Variants in CEACAM1 observed in about 807,000 individuals in gnomAD.
CEACAM1 encodes the protein cell adhesion molecule CEACAM1.
Under a neutral mutation model 49.1 loss-of-function variants are expected in CEACAM1, and 31 were observed. The observed-to-expected ratio is 0.63, with a 90% CI of 0.47 to 0.85. The LOEUF is 0.85. Among genes scored for constraint, CEACAM1 ranks in the 40% least tolerant of loss-of-function variants. The pLI, the probability that CEACAM1 is intolerant of heterozygous loss-of-function variation, is 0.00. For missense variants in CEACAM1, 570 were observed against 645.3 expected (o/e 0.88, Z 1.26); for synonymous variants, 244 against 247.8 (o/e 0.98, Z 0.14).
chr19:42,508,748 T>G lies in CEACAM1; in HGVS notation c.*361A>C. On this transcript the variant is annotated 3_prime_UTR_variant, in exon 9 of 9. Coordinates refer to ENST00000161559, the MANE Select transcript of CEACAM1 (RefSeq NM_001712.5). ...AGGCTATGGCAAATCCGAATTAGAG[T>G]GATAGGACAGGACTGGGGGTGGGAA... 1 of 208,616 alleles carries G rather than the reference T, an allele frequency of 4.8e-6. No individual in the cohort carries two copies. 12.9% of individuals were successfully genotyped at this position (208,616 alleles called of 1,614,324 possible).
At chr19:42,526,335 C>G (rs774038918) in intron 2 of CEACAM1, among the ~76,000 whole-genome samples, 18 of 152,168 alleles carry the variant, frequency 1.2e-4, no homozygotes, top group Non-Finnish European at 2.5e-4. Flanking sequence ...CAGGAGCATC[C>G]TGTCTCCTCT....
Position 42,509,157 on chromosome 19 carries a change from T to C in CEACAM1, c.1533A>G (p.Pro511=). The change falls in exon 9 of 9, where the codon CCA becomes CCG. Residue 511 remains proline, a synonymous_variant. Transcript: ENST00000161559. ...AAATTATTTCTGTGGCTGTTAGGGA[T>C]GGGGAGGCTGAAGTTGGTTGTGTGG... ...QQPTQPTSAS[P]SLTATEIIYS... 2 of 1,614,152 alleles carry C rather than the reference T, an allele frequency of 1.2e-6. No individual in the cohort carries two copies. Among genetic ancestry groups the C allele is most frequent in the Non-Finnish European group, 8.5e-7 (1 of 1,180,014 alleles).
intron 5 of CEACAM1, among the ~76,000 whole-genome samples, chr19:42,514,342 G>T (rs1429920860): frequency 6.6e-6 from 1 of 151,868 alleles, no homozygotes; most frequent in Non-Finnish European, 1.5e-5. Context: ...TCCTGGTCAG[G>T]CTGGTCTTGA....
chr19:42,526,246 G>T (rs1168343952), intron 2 of CEACAM1, among the ~76,000 whole-genome samples: 1 of 152,088 alleles, frequency 6.6e-6, no homozygotes, highest in Non-Finnish European at 1.5e-5. Context: ...GTGAGCCACC[G>T]CTCCCGGCCG....
Position 42,521,920 on chromosome 19 carries a change from T to G in CEACAM1, c.703+4A>C. 6.2e-7 allele frequency: 1 copy of G among 1,614,210 alleles called. No homozygotes were observed. Among genetic ancestry groups the G allele is most frequent in the Non-Finnish European group, 8.5e-7 (1 of 1,180,036 alleles). Reference sequence around the variant, plus strand: ...TGGGCCACAGAGGAACAGAAGATACTCACAGGTGACATTCAAGGTGACTGG... The same window carrying G: ...TGGGCCACAGAGGAACAGAAGATACGCACAGGTGACATTCAAGGTGACTGG... On this transcript the variant is annotated splice_donor_region_variant and intron_variant, in intron 3 of 8. Transcript: ENST00000161559.
At chr19:42,523,804 C>A (rs935877179) in intron 2 of CEACAM1, among the ~76,000 whole-genome samples, 3 of 152,138 alleles carry the variant, frequency 2.0e-5, no homozygotes, top group Non-Finnish European at 4.4e-5. Flanking sequence ...ACTCTTAAAC[C>A]AAGCTCTGAA....
chr19:42,515,447 G>A (rs1289727998), intron 5 of CEACAM1, among the ~76,000 whole-genome samples: 2 of 152,182 alleles, frequency 1.3e-5, no homozygotes, highest in African/African-American at 4.8e-5. Context: ...GCTGAGGCAG[G>A]TGTATCACTT....
At position 42,510,904 on chromosome 19, in the gene CEACAM1, A is replaced by G. The variant is rs775565476; in HGVS notation, c.1446T>C (p.Asn482=). The change falls in exon 8 of 9, where the codon AAT becomes AAC. Residue 482 remains asparagine, a synonymous_variant. Coordinates refer to ENST00000161559, the MANE Select transcript of CEACAM1 (RefSeq NM_001712.5). ...CTATGCTTACCTTGTTAGGTGGGTC[A>G]TTGGAGTGGTCCTGAGCTGGAGAAG... ...SVSNHTQDHS[N]DPPNKMNEVT... is the part of the protein sequence containing the mutation. 8.7e-6 allele frequency: 14 copies of G among 1,614,106 alleles called. No homozygotes were observed. In the East Asian group the frequency reaches 3.1e-4, roughly 36 times the overall value.
intron 5 of CEACAM1, among the ~76,000 whole-genome samples, chr19:42,515,971 C>T (rs2041590862): frequency 6.6e-6 from 1 of 152,042 alleles, no homozygotes; most frequent in South Asian, 2.1e-4. Flanking sequence ...AAGCATTTGA[C>T]AAAATTCAAC....
In CEACAM1 at chr19:42,519,213, C is replaced by G. The variant is rs1177198446; in HGVS notation, c.981G>C (p.Lys327Asn). The G allele has an allele frequency of 6.2e-7, 1 of 1,614,066 alleles. No individual in the cohort carries two copies. Among genetic ancestry groups the G allele is most frequent in the South Asian group, 1.1e-5 (1 of 91,078 alleles). Residue 327 changes from lysine to asparagine, a missense_variant, in exon 5 of 9, where the codon AAG becomes AAC. Coordinates refer to ENST00000161559, the MANE Select transcript of CEACAM1 (RefSeq NM_001712.5). ...TGGTCTTGCTGGCTTTGATTTGGGG[C>G]TTTGCTACTACTGGACTTAGCTCTG... ...IVTELSPVVAKPQIKASKTTV... is the reference protein window; with the variant it reads ...IVTELSPVVANPQIKASKTTV...
chr19:42,526,068 G>A (rs998080058), intron 2 of CEACAM1, among the ~76,000 whole-genome samples: 4 of 152,034 alleles, frequency 2.6e-5, no homozygotes, highest in African/African-American at 9.7e-5. Context: ...CAATTCTCCT[G>A]CCTCAGCCTC....
At chr19:42,527,520 TG>T in intron 1 of CEACAM1, 120 bp from the exon 2 acceptor site, 1 of 1,188,680 alleles carries the variant, frequency 8.4e-7, no homozygotes, top group Non-Finnish European at 1.2e-6. Flanking sequence ...TGTGTGTGTG[TG>T]TGTGTGTGTG....
chr19:42,516,443 A>G (rs1268631196), intron 5 of CEACAM1, among the ~76,000 whole-genome samples: 1 of 152,158 alleles, frequency 6.6e-6, no homozygotes, highest in African/African-American at 2.4e-5. Context: ...AAACTTAACC[A>G]AAGAGGTGAA....
intron 5 of CEACAM1, among the ~76,000 whole-genome samples, chr19:42,513,893 C>CATATATATATATATATATATATAT (rs144403954): frequency 9.5e-5 from 10 of 104,954 alleles, no homozygotes; most frequent in African/African-American, 4.9e-4. Flanking sequence ...CTTCTCCCTC[C>CATATATATATATATATATATATAT]ATATATATAT....
intron 5 of CEACAM1, among the ~76,000 whole-genome samples, chr19:42,517,701 A>G (rs2041633342): frequency 6.6e-6 from 1 of 152,252 alleles, no homozygotes; most frequent in Non-Finnish European, 1.5e-5. Flanking sequence ...TTGAAGATGT[A>G]GAGAAATTGG....
At chr19:42,514,479 A>AT (rs2041549918) in intron 5 of CEACAM1, among the ~76,000 whole-genome samples, 1 of 152,150 alleles carries the variant, frequency 6.6e-6, no homozygotes, top group African/African-American at 2.4e-5. Context: ...GGGTTCCACT[A>AT]TATTGCCTAG....
Position 42,507,542 on chromosome 19 carries a change from T to C in CEACAM1, c.*1567A>G, listed in dbSNP as rs2041364604. On this transcript the variant is annotated 3_prime_UTR_variant, in exon 9 of 9. Coordinates refer to ENST00000161559, the MANE Select transcript of CEACAM1 (RefSeq NM_001712.5). ...CTAACATGAGATCAGGTAAGCAATATAGAATAAAACCTTTCTCTTAGCCCC... is the reference window on the plus strand; with the variant it reads ...CTAACATGAGATCAGGTAAGCAATACAGAATAAAACCTTTCTCTTAGCCCC... 6.6e-6 allele frequency: 1 copy of C among 152,146 alleles called. No homozygotes were observed. Among genetic ancestry groups the C allele is most frequent in the South Asian group, 2.1e-4 (1 of 4,814 alleles). The allele number at this position is 152,146 out of a possible 1,614,324, so 9.4% of individuals were successfully genotyped here. A position where few individuals can be genotyped will look rare whatever the true frequency, so the allele number is the denominator to read the frequency against.
chr19:42,525,172 G>A (rs1255773754), intron 2 of CEACAM1, among the ~76,000 whole-genome samples: 2 of 151,728 alleles, frequency 1.3e-5, no homozygotes, highest in Non-Finnish European at 2.9e-5. Flanking sequence ...AGGAAACACA[G>A]GATTTCAAGT....
At chr19:42,519,619 G>C (rs1365979786) in intron 4 of CEACAM1, among the ~76,000 whole-genome samples, 1 of 150,416 alleles carries the variant, frequency 6.6e-6, no homozygotes, top group Non-Finnish European at 1.5e-5. Context: ...ACCCAGGCCG[G>C]AATGCAGTGG....
Sources: allele counts gnomAD v4.1 joint callset (sites outside exome capture counted in the v4.1 genomes callset), GRCh38; gene constraint gnomAD v4.1.1; transcripts MANE v1.5; gene names NCBI Gene and HGNC (gene_info 2026-07-23, HGNC 2026-07-21).